SNAP91: variants seen among roughly 807,000 people sequenced by gnomAD.
The protein encoded by SNAP91 is clathrin coat assembly protein AP180.
A neutral mutation model predicts 100.3 loss-of-function variants in SNAP91; 27 were observed. That is an observed-to-expected ratio of 0.27 (90% CI 0.20 to 0.37). SNAP91 has a LOEUF of 0.37. Ranked by LOEUF, SNAP91 falls within the 10% of genes least tolerant of loss-of-function variation. The pLI, the probability that SNAP91 is intolerant of heterozygous loss-of-function variation, is 1.00. For missense variants in SNAP91, 986 were observed against 1,123.7 expected, an observed-to-expected ratio of 0.88 and a Z score of 1.75; for synonymous variants, 404 against 398.6, an observed-to-expected ratio of 1.01 and a Z score of -0.16.
chr6:83,593,410 G>A (rs1157749657), intron 18 of SNAP91, 68 bp downstream of exon 18: 1 of 1,533,928 alleles, frequency 6.5e-7, no homozygotes, highest in South Asian at 1.2e-5. Flanking sequence ...TCTTCATGCA[G>A]TACATCTCAA....
Position 83,707,974 on chromosome 6 carries a change from G to A in SNAP91, c.-30-17C>T, listed in dbSNP as rs766714455. The A allele has an allele frequency of 2.6e-6, 4 of 1,530,866 alleles. No individual in the cohort carries two copies. The highest frequency in any genetic ancestry group is 3.5e-6 in the Non-Finnish European group (4 of 1,150,282). The allele number at this position is 1,530,866 out of a possible 1,614,324, so 94.8% of individuals were successfully genotyped here. The stretch of plus-strand genomic sequence containing the variant: ...CCTCCTCTTCTGCAGGAAACAAGGG[G>A]AGACGGTCCGGCTTTAATCCGCAGA... On this transcript the variant is annotated splice_polypyrimidine_tract_variant and intron_variant, in intron 1 of 29. Coordinates refer to ENST00000369694, the MANE Select transcript of SNAP91 (RefSeq NM_001242792.2).
At chr6:83,640,444 C>A (rs1487134662) in intron 8 of SNAP91, among the ~76,000 whole-genome samples, 1 of 152,048 alleles carries the variant, frequency 6.6e-6, no homozygotes, top group Non-Finnish European at 1.5e-5. Flanking sequence ...TGTCATTCTT[C>A]CAAAGGACTA....
intron 20 of SNAP91, 72 bp from the exon 21 acceptor site, chr6:83,592,610 G>A: frequency 2.4e-6 from 3 of 1,229,744 alleles, no homozygotes; most frequent in Non-Finnish European, 2.3e-6. Context: ...CTTGACAAAT[G>A]GCATCTTGGG....
At chr6:83,556,059 C>T (rs752703199) in intron 29 of SNAP91, 84 bp downstream of exon 29, 1 of 694,436 alleles carries the variant, frequency 1.4e-6, no homozygotes, top group Non-Finnish European at 2.5e-6. Context: ...ATTCAAAACG[C>T]AGAAATAATG....
At chr6:83,663,470 T>C (rs2098603709) in intron 3 of SNAP91, among the ~76,000 whole-genome samples, 1 of 152,178 alleles carries the variant, frequency 6.6e-6, no homozygotes, top group South Asian at 2.1e-4. Flanking sequence ...AATAGCTTTC[T>C]TGCTGATATG....
chr6:83,634,268 T>C, intron 8 of SNAP91, among the ~76,000 whole-genome samples: 1 of 152,156 alleles, frequency 6.6e-6, no homozygotes, highest in East Asian at 1.9e-4. Context: ...TTTTCACTGC[T>C]TCTTCTATCC....
chr6:83,614,031 T>C (rs534357486), intron 11 of SNAP91, among the ~76,000 whole-genome samples: 13 of 152,310 alleles, frequency 8.5e-5, no homozygotes, highest in Non-Finnish European at 1.5e-4. Flanking sequence ...CAAATGTCCA[T>C]ATTTCTTTCC....
Position 83,560,139 on chromosome 6 carries a change from G to C in SNAP91, c.2596C>G (p.Pro866Ala). The C allele has an allele frequency of 6.2e-7, 1 of 1,613,804 alleles. No homozygotes were observed. Among genetic ancestry groups the C allele is most frequent in the East Asian group, 2.2e-5 (1 of 44,888 alleles). The change falls in exon 28 of 30, where the codon CCC (proline) becomes GCC (alanine). Residue 866 changes from proline to alanine, a missense_variant. By Grantham distance (27) the Pro-to-Ala change is conservative. This residue lies in a region of SNAP91 where 71 missense variants were observed against 68.5 expected (regional missense o/e 1.04). Transcript: ENST00000369694. ...GGTACAGCGGCAGCTCCAAAGGGGG[G>C]CCTCATCATGGGCTGTGCAAACATG... is the stretch of plus-strand genomic sequence containing the variant. ...PVMFAQPMMR[P>A]PFGAAAVPGT...
At chr6:83,689,501 G>T (rs556445391) in intron 2 of SNAP91, 2 of 152,140 alleles carry the variant, frequency 1.3e-5, no homozygotes, top group South Asian at 4.2e-4. Flanking sequence ...ACAAAAAAAG[G>T]TAAAAAGTGG....
chr6:83,621,914 C>T (rs1272033372), intron 9 of SNAP91, among the ~76,000 whole-genome samples: 1 of 151,916 alleles, frequency 6.6e-6, no homozygotes, highest in Non-Finnish European at 1.5e-5. Flanking sequence ...ACATGTATTA[C>T]TTATGTGGAT....
intron 27 of SNAP91, 73 bp downstream of exon 27, chr6:83,560,791 T>C: frequency 8.1e-7 from 1 of 1,240,690 alleles, no homozygotes; most frequent in South Asian, 1.3e-5. Context: ...TCTGTAGGAA[T>C]ACTTAGTAAT....
In SNAP91 at chr6:83,553,180, C is replaced by G. The variant is rs1773512055; in HGVS notation, c.*1116G>C. On this transcript the variant is annotated 3_prime_UTR_variant, in exon 30 of 30. Transcript: ENST00000369694. The stretch of plus-strand genomic sequence containing the variant: ...AGTGACCTCATTTATGCATCAAAAT[C>G]TTAAGCCAAGCCATCAGCACAGACA... 1 of 152,588 alleles carries G rather than the reference C, an allele frequency of 6.6e-6. No individual in the cohort carries two copies. The highest frequency in any genetic ancestry group is 6.6e-5 in the Admixed American group (1 of 15,248). 9.5% of individuals were successfully genotyped at this position (152,588 alleles called of 1,614,324 possible).
intron 2 of SNAP91, among the ~76,000 whole-genome samples, chr6:83,690,631 A>G (rs1258619472): frequency 3.3e-5 from 5 of 152,118 alleles, no homozygotes; most frequent in Non-Finnish European, 1.5e-5. Context: ...GGAATAATGA[A>G]TCTTTAGCTC....
chr6:83,566,947 AG>A (rs1226631592), intron 26 of SNAP91, among the ~76,000 whole-genome samples: 1 of 152,120 alleles, frequency 6.6e-6, no homozygotes, highest in Non-Finnish European at 1.5e-5. Context: ...TGTTTCCGAG[AG>A]GTACCTGATT....
At chr6:83,707,399 CT>C (rs879661598) in intron 2 of SNAP91, among the ~76,000 whole-genome samples, 447 of 145,084 alleles carry the variant, frequency 3.1e-3, no homozygotes, top group East Asian at 6.6e-3. Context: ...ATAAATTCAT[CT>C]TTTTTTTTTT....
chr6:83,659,185 C>T (rs7774790), intron 5 of SNAP91, 93 bp from the exon 6 acceptor site: 3 of 901,262 alleles, frequency 3.3e-6, no homozygotes, highest in African/African-American at 3.4e-5. Flanking sequence ...CCACACCACC[C>T]CATTTCCTTA....
At chr6:83,556,672 C>G (rs1040185291) in intron 28 of SNAP91, among the ~76,000 whole-genome samples, 1 of 151,998 alleles carries the variant, frequency 6.6e-6, no homozygotes, top group Non-Finnish European at 1.5e-5. Flanking sequence ...AACAGTAAAA[C>G]AAACAAACAA....
At chr6:83,593,809 C>T in intron 17 of SNAP91, 68 bp from the exon 18 acceptor site, 1 of 1,507,290 alleles carries the variant, frequency 6.6e-7, no homozygotes. Flanking sequence ...AGCATCATAA[C>T]TATGGCAAGA....
chr6:83,660,800 G>A (rs1216355990), intron 5 of SNAP91, among the ~76,000 whole-genome samples: 5 of 150,262 alleles, frequency 3.3e-5, no homozygotes, highest in African/African-American at 9.8e-5. Flanking sequence ...TTTGACACAG[G>A]GTCTTAGAGA....
Sources: gnomAD v4.1 joint callset for allele counts (sites outside exome capture counted in the v4.1 genomes callset) on GRCh38, gnomAD v4.1.1 for gene constraint, gnomAD v4.1.1 regional missense constraint, MANE v1.5 for transcripts, NCBI Gene and HGNC (gene_info 2026-07-23, HGNC 2026-07-21) for gene names.